The following ARHGAP12 variants were observed in gnomAD, a reference collection of about 807,000 sequenced individuals.
The protein encoded by ARHGAP12 is rho GTPase-activating protein 12.
Under a neutral mutation model 108.6 loss-of-function variants are expected in ARHGAP12, and 64 were observed. That is an observed-to-expected ratio of 0.59 (90% CI 0.48 to 0.73). ARHGAP12 has a LOEUF of 0.73. Among genes scored for constraint, ARHGAP12 ranks in the 30% least tolerant of loss-of-function variants. The probability of loss-of-function intolerance (pLI) is 0.00; values close to 1 mark genes in which losing one functional copy is unlikely to be tolerated. For missense variants in ARHGAP12, 940 were observed against 1,005.9 expected, an observed-to-expected ratio of 0.93 and a Z score of 0.89; for synonymous variants, 312 against 337.2, an observed-to-expected ratio of 0.93 and a Z score of 0.82.
At chr10:31,863,751 G>A (rs1837219289) in intron 3 of ARHGAP12, among the ~76,000 whole-genome samples, 1 of 152,114 alleles carries the variant, frequency 6.6e-6, no homozygotes. Context: ...ATCTCATATT[G>A]TAATTCTTTA....
intron 11 of ARHGAP12, among the ~76,000 whole-genome samples, chr10:31,820,836 T>A (rs566781358): frequency 1.6e-4 from 25 of 151,602 alleles, no homozygotes; most frequent in East Asian, 9.7e-4. Flanking sequence ...CATATGCAAG[T>A]GGGATATAAA....
chr10:31,839,411 AATATGGT>A (rs1836164326), intron 8 of ARHGAP12, 92 bp from the exon 9 acceptor site: 2 of 1,337,526 alleles, frequency 1.5e-6, no homozygotes, highest in Non-Finnish European at 2.1e-6. Flanking sequence ...ATCACTTAAA[AATATGGT>A]ATATAATTTA....
At chr10:31,895,799 T>C (rs560001127) in intron 3 of ARHGAP12, among the ~76,000 whole-genome samples, 234 of 152,300 alleles carry the variant, frequency 1.5e-3, no homozygotes, top group African/African-American at 5.4e-3. Flanking sequence ...CGTATGTTTA[T>C]TGCGGCATTA....
At chr10:31,839,217 T>G in intron 9 of ARHGAP12, 88 bp downstream of exon 9, 1 of 1,357,696 alleles carries the variant, frequency 7.4e-7, no homozygotes, top group African/African-American at 1.5e-5. Flanking sequence ...ATTTCCAATA[T>G]TCATCTGGCA....
intron 3 of ARHGAP12, among the ~76,000 whole-genome samples, chr10:31,881,274 C>CA (rs963156553): frequency 6.7e-6 from 1 of 149,640 alleles, no homozygotes; most frequent in Non-Finnish European, 1.5e-5. Flanking sequence ...TAAAAAAAAA[C>CA]AAAAACTTGC....
chr10:31,849,779 A>G (rs1564388436), intron 6 of ARHGAP12, among the ~76,000 whole-genome samples: 2 of 152,188 alleles, frequency 1.3e-5, no homozygotes, highest in Admixed American at 6.5e-5. Context: ...TGAGGATTCA[A>G]CGCTGGTCAC....
At chr10:31,846,969 A>C (rs1173628653) in intron 6 of ARHGAP12, among the ~76,000 whole-genome samples, 4 of 145,110 alleles carry the variant, frequency 2.8e-5, no homozygotes, top group Non-Finnish European at 3.0e-5. Flanking sequence ...ATTTCTACTA[A>C]CCTATCTTCA....
At position 31,927,763 on chromosome 10, in the gene ARHGAP12, G is replaced by A. The variant is rs1564442240; in HGVS notation, c.-111+920C>T. Among the ~76,000 whole-genome samples, 3 of 152,224 alleles carry A rather than the reference G, an allele frequency of 2.0e-5. No homozygotes were observed. The South Asian group carries it at 6.2e-4, about 31-fold the overall frequency. ...AAGGAAAACATCACACGCCTCGAAA[G>A]CTGAAGGGCGTGCCTTTTTCTCTAA... On this transcript the variant is annotated intron_variant, in intron 1 of 19. Transcript: ENST00000344936.
At chr10:31,901,272 C>T (rs1424245188) in intron 3 of ARHGAP12, among the ~76,000 whole-genome samples, 1 of 151,516 alleles carries the variant, frequency 6.6e-6, no homozygotes, top group Non-Finnish European at 1.5e-5. Context: ...TGGTTCATGC[C>T]TGTAATCCCA....
chr10:31,915,522 G>A (rs189481646), intron 1 of ARHGAP12, among the ~76,000 whole-genome samples: 2 of 147,240 alleles, frequency 1.4e-5, no homozygotes, highest in Non-Finnish European at 2.9e-5. Context: ...GAGATCTATT[G>A]TACAGCAAGG....
intron 10 of ARHGAP12, among the ~76,000 whole-genome samples, chr10:31,827,878 A>G (rs1240659494): frequency 3.3e-5 from 5 of 152,190 alleles, no homozygotes; most frequent in East Asian, 1.9e-4. Flanking sequence ...ATATCTATCA[A>G]TAAGACTTAC....
intron 3 of ARHGAP12, among the ~76,000 whole-genome samples, chr10:31,872,506 CA>C (rs1477537728): frequency 6.6e-6 from 1 of 152,192 alleles, no homozygotes; most frequent in Non-Finnish European, 1.5e-5. Context: ...CTCTTTACCC[CA>C]ACAAAGTACT....
At chr10:31,903,424 CAT>C (rs1839005950) in intron 3 of ARHGAP12, among the ~76,000 whole-genome samples, 2 of 152,276 alleles carry the variant, frequency 1.3e-5, no homozygotes, top group East Asian at 1.9e-4. Context: ...TACACACACA[CAT>C]ACACAACCTT....
chr10:31,912,851 G>C (rs1283049429), intron 1 of ARHGAP12, among the ~76,000 whole-genome samples: 2 of 152,064 alleles, frequency 1.3e-5, no homozygotes, highest in Admixed American at 1.3e-4. Flanking sequence ...CCAAGGTCTA[G>C]GAAGAGCCAC....
At chr10:31,808,773 A>C (rs371681711) in intron 18 of ARHGAP12, 22 bp from the exon 19 acceptor site, 13 of 1,607,856 alleles carry the variant, frequency 8.1e-6, no homozygotes, top group African/African-American at 1.3e-5. Context: ...TAATAACCAG[A>C]TATTTTACAG....
chr10:31,894,449 C>T (rs1381098090), intron 3 of ARHGAP12, among the ~76,000 whole-genome samples: 1 of 151,962 alleles, frequency 6.6e-6, no homozygotes, highest in Non-Finnish European at 1.5e-5. Context: ...TCTTATACAC[C>T]AATAACAGAC....
intron 3 of ARHGAP12, among the ~76,000 whole-genome samples, chr10:31,876,546 C>CA (rs57573841): frequency 0.092 from 12,516 of 136,546 alleles, 1,533 homozygotes; most frequent in African/African-American, 0.29. Context: ...AAAAAACCAC[C>CA]AAAAAAAAAA....
intron 11 of ARHGAP12, among the ~76,000 whole-genome samples, chr10:31,822,694 C>T (rs1365389259): frequency 6.6e-6 from 1 of 152,146 alleles, no homozygotes; most frequent in Non-Finnish European, 1.5e-5. Context: ...GCTTCCTCCT[C>T]GTGACCTGCT....
intron 3 of ARHGAP12, among the ~76,000 whole-genome samples, chr10:31,888,180 T>C (rs1018760676): frequency 4.6e-5 from 7 of 152,132 alleles, no homozygotes; most frequent in Admixed American, 2.0e-4. Flanking sequence ...GACAGACAAC[T>C]GCTATTTTGT....
Sources: allele counts gnomAD v4.1 joint callset (sites outside exome capture counted in the v4.1 genomes callset), GRCh38; gene constraint gnomAD v4.1.1; transcripts MANE v1.5; gene names NCBI Gene and HGNC (gene_info 2026-07-23, HGNC 2026-07-21).